The following KAT7 variants were observed in gnomAD, a reference collection of about 807,000 sequenced individuals.
KAT7 encodes the protein lysine acetyltransferase 7, also known as histone acetyltransferase KAT7.
KAT7 carries 10 observed loss-of-function variants against 82.1 expected under a neutral mutation model. The ratio of observed to expected loss-of-function variants is 0.12; its 90% CI spans 0.08 to 0.21. The LOEUF (loss-of-function observed/expected upper bound fraction) is 0.21. KAT7 is among the 10% of genes least tolerant of loss of function. The pLI, the probability that KAT7 is intolerant of heterozygous loss-of-function variation, is 1.00. For synonymous variants in KAT7, 250 were observed against 262.5 expected, an observed-to-expected ratio of 0.95 and a Z score of 0.46; for missense variants, 378 against 760.9, an observed-to-expected ratio of 0.50 and a Z score of 5.92.
chr17:49,791,007 G>A (rs1454822481), intron 1 of KAT7, among the ~76,000 whole-genome samples: 1 of 152,214 alleles, frequency 6.6e-6, no homozygotes, highest in East Asian at 1.9e-4. Flanking sequence ...TCATTGAAAA[G>A]ATGGTTTTGA....
At chr17:49,806,316 G>A (rs187094032) in intron 5 of KAT7, among the ~76,000 whole-genome samples, 54 of 152,346 alleles carry the variant, frequency 3.5e-4, no homozygotes, top group Admixed American at 2.7e-3. Context: ...GTAGACCGCA[G>A]GGGTGAAAGT....
chr17:49,794,193 T>C (rs2073925066), intron 2 of KAT7, among the ~76,000 whole-genome samples: 1 of 152,190 alleles, frequency 6.6e-6, no homozygotes, highest in Non-Finnish European at 1.5e-5. Flanking sequence ...GGGAATACAT[T>C]ATGGCAAGGG....
chr17:49,788,959 G>T, intron 1 of KAT7, 110 bp downstream of exon 1: 2 of 1,065,190 alleles, frequency 1.9e-6, no homozygotes, highest in South Asian at 1.8e-5. Context: ...CCGCTCCCCC[G>T]AACCTTGTTC....
intron 7 of KAT7, among the ~76,000 whole-genome samples, chr17:49,812,234 C>CTTTTT (rs35069050): frequency 9.2e-5 from 11 of 119,124 alleles, no homozygotes; most frequent in Admixed American, 1.9e-4. Flanking sequence ...GCTTAAAAAT[C>CTTTTT]TTTTTTTTTT....
intron 2 of KAT7, among the ~76,000 whole-genome samples, chr17:49,792,455 C>T (rs1230532977): frequency 6.6e-6 from 1 of 151,794 alleles, no homozygotes; most frequent in African/African-American, 2.4e-5. Context: ...TTTAACTTTA[C>T]AGTGGTGCTA....
intron 7 of KAT7, 183 bp from the exon 8 acceptor site, chr17:49,815,620 G>T (rs1336252901): frequency 6.6e-6 from 3 of 455,644 alleles, no homozygotes; most frequent in Non-Finnish European, 1.2e-5. Flanking sequence ...GGGGTGGGTA[G>T]TGGGAGTCTT....
At position 49,834,457 on chromosome 17, in the gene KAT7, C is replaced by A. The variant is rs979110110; in HGVS notation, c.*6955C>A. The A allele has an allele frequency of 2.0e-5, 3 of 152,260 alleles. No individual in the cohort carries two copies. Among genetic ancestry groups the A allele is most frequent in the African/African-American group, 7.2e-5 (3 of 41,466 alleles). The allele number at this position is 152,260 out of a possible 1,614,324, so 9.4% of individuals were successfully genotyped here. A position where few individuals can be genotyped will look rare whatever the true frequency, so the allele number is the denominator to read the frequency against. On this transcript the variant is annotated 3_prime_UTR_variant, in exon 15 of 15. Coordinates refer to ENST00000259021, the MANE Select transcript of KAT7 (RefSeq NM_007067.5). ...GCTGCGCCCAACCTTCTTCTGCTGT[C>A]GAGATACTGCTCATCACCTGCCTGC...
intron 7 of KAT7, chr17:49,815,461 C>T (rs538382428): frequency 5.9e-6 from 1 of 169,388 alleles, no homozygotes; most frequent in South Asian, 2.0e-4. Flanking sequence ...TGTAGTGTCT[C>T]TGGGTTTGTT....
intron 1 of KAT7, chr17:49,789,125 G>T: frequency 3.0e-6 from 1 of 331,066 alleles, no homozygotes; most frequent in East Asian, 4.7e-5. Flanking sequence ...TGATTGGCTG[G>T]TGACGCCGCC....
rs1219196316 is a variant in KAT7 at position 49,830,320 on chromosome 17, A to G, written c.*2818A>G. The G allele has an allele frequency of 6.7e-6, 1 of 150,370 alleles. No homozygotes were observed. The highest frequency in any genetic ancestry group is 2.5e-5 in the African/African-American group (1 of 40,362). 9.3% of individuals were successfully genotyped at this position (150,370 alleles called of 1,614,324 possible). A position where few individuals can be genotyped will look rare whatever the true frequency, so the allele number is the denominator to read the frequency against. ...GTGATTCTCCTGCCTCAGCCTCTCA[A>G]GTAGCTGGGATTACAGGTGCAGGCC... On this transcript the variant is annotated 3_prime_UTR_variant, in exon 15 of 15. Coordinates refer to ENST00000259021, the MANE Select transcript of KAT7 (RefSeq NM_007067.5).
chr17:49,791,809 T>C (rs910010961), intron 1 of KAT7, 77 bp from the exon 2 acceptor site: 2 of 1,446,156 alleles, frequency 1.4e-6, no homozygotes, highest in Non-Finnish European at 1.9e-6. Flanking sequence ...GTGTCACAGC[T>C]TGTTTTATTT....
At chr17:49,801,612 C>T (rs897932064) in intron 4 of KAT7, among the ~76,000 whole-genome samples, 2 of 152,074 alleles carry the variant, frequency 1.3e-5, no homozygotes, top group Admixed American at 6.5e-5. Flanking sequence ...ACCTCAGCCT[C>T]CCAAGTAGCT....
intron 9 of KAT7, among the ~76,000 whole-genome samples, chr17:49,818,474 T>C (rs1029324088): frequency 6.6e-6 from 1 of 152,220 alleles, no homozygotes; most frequent in Non-Finnish European, 1.5e-5. Context: ...TTAATAGTGA[T>C]CAGCCTGTGA....
chr17:49,807,660 A>T (rs2074108111), intron 5 of KAT7, among the ~76,000 whole-genome samples: 1 of 152,148 alleles, frequency 6.6e-6, no homozygotes, highest in Admixed American at 6.6e-5. Context: ...TGGGGGCAAG[A>T]GTTGATGCAG....
chr17:49,809,036 A>G lies in KAT7; in HGVS notation c.664-83A>G, dbSNP rs889115877. On this transcript the variant is annotated intron_variant, in intron 5 of 14. Transcript: ENST00000259021. ...GAAAGTAAAGTACAACATAAATCCAAGGCATTATCATTGTATTCTTATGCT... is the reference window on the plus strand; with the variant it reads ...GAAAGTAAAGTACAACATAAATCCAGGGCATTATCATTGTATTCTTATGCT... 37 of 1,027,496 alleles carry G rather than the reference A, an allele frequency of 3.6e-5. No homozygotes were observed. In the African/African-American group the frequency reaches 5.7e-4, roughly 16 times the overall value. The allele number at this position is 1,027,496 out of a possible 1,614,324, so 63.6% of individuals were successfully genotyped here. A position where few individuals can be genotyped will look rare whatever the true frequency, so the allele number is the denominator to read the frequency against.
At position 49,798,302 on chromosome 17, in the gene KAT7, A is replaced by G. The variant is rs1159470737; in HGVS notation, c.341-17A>G. 15 of 1,610,988 alleles carry G rather than the reference A, an allele frequency of 9.3e-6. No individual in the cohort carries two copies. The highest frequency in any genetic ancestry group is 1.3e-5 in the Non-Finnish European group (15 of 1,177,340). On this transcript the variant is annotated splice_polypyrimidine_tract_variant and intron_variant, in intron 3 of 14. Transcript: ENST00000259021. The stretch of plus-strand genomic sequence containing the variant: ...ATGAACTCCACTCATAACTTCTACC[A>G]ATTGCTTTTGCTTTAGAAACTAAAA...
intron 5 of KAT7, among the ~76,000 whole-genome samples, chr17:49,808,394 A>G (rs915643731): frequency 2.7e-5 from 4 of 150,732 alleles, no homozygotes; most frequent in Non-Finnish European, 4.4e-5. Context: ...TGCTGGGATT[A>G]CAGATATAAG....
intron 4 of KAT7, among the ~76,000 whole-genome samples, chr17:49,801,418 T>C (rs2074023346): frequency 6.6e-6 from 1 of 152,164 alleles, no homozygotes; most frequent in African/African-American, 2.4e-5. Context: ...ACTCTTGGGC[T>C]CAAGTGAAAA....
chr17:49,826,266 C>A lies in KAT7; in HGVS notation c.1627+120C>A, dbSNP rs947280309. 30 of 989,946 alleles carry A rather than the reference C, an allele frequency of 3.0e-5. No individual in the cohort carries two copies. In the Admixed American group the frequency reaches 7.1e-4, roughly 23 times the overall value. The allele number at this position is 989,946 out of a possible 1,614,324, so 61.3% of individuals were successfully genotyped here. On this transcript the variant is annotated intron_variant, in intron 13 of 14. Coordinates refer to ENST00000259021, the MANE Select transcript of KAT7 (RefSeq NM_007067.5). ...ACTGAATATGGACCACTGCGGAGAC[C>A]CTCACTAAAGCTGCCTAGGAATCCA...
Sources: gnomAD v4.1 joint callset for allele counts (sites outside exome capture counted in the v4.1 genomes callset) on GRCh38, gnomAD v4.1.1 for gene constraint, MANE v1.5 for transcripts, NCBI Gene and HGNC (gene_info 2026-07-23, HGNC 2026-07-21) for gene names.